The following HEG1 variants were observed in gnomAD, a reference collection of about 807,000 sequenced individuals.
The protein encoded by HEG1 is heart development protein with EGF like domains 1, also known as protein HEG homolog 1.
In HEG1, 56 loss-of-function variants were observed where a neutral mutation model predicts 125.6. The observed-to-expected ratio is 0.45, with a 90% confidence interval of 0.36 to 0.56. The LOEUF (loss-of-function observed/expected upper bound fraction) is 0.56, where lower values mean the gene tolerates loss of function less well. Ranked by LOEUF, HEG1 falls within the 20% of genes least tolerant of loss-of-function variation. The pLI, the probability that HEG1 is intolerant of heterozygous loss-of-function variation, is 0.00. For synonymous variants in HEG1, 644 were observed against 668.5 expected (o/e 0.96, Z 0.57); for missense variants, 1,523 against 1,670.0 (o/e 0.91, Z 1.53).
intron 16 of HEG1, among the ~76,000 whole-genome samples, chr3:124,972,987 G>T (rs1936471553): frequency 6.6e-6 from 1 of 150,710 alleles, no homozygotes; most frequent in Non-Finnish European, 1.5e-5. Context: ...CCCCTAGTTG[G>T]TTTTTTTGTT....
At position 124,969,524 on chromosome 3, in the gene HEG1, T is replaced by C. The variant is rs1014285504; in HGVS notation, c.*1128A>G. 6.6e-6 allele frequency: 1 copy of C among 152,240 alleles called. No individual in the cohort carries two copies. Among genetic ancestry groups the C allele is most frequent in the Non-Finnish European group, 1.5e-5 (1 of 68,058 alleles). 9.4% of individuals were successfully genotyped at this position (152,240 alleles called of 1,614,324 possible). A position where few individuals can be genotyped will look rare whatever the true frequency, so the allele number is the denominator to read the frequency against. ...TGGTTGAAAGTTTACATGGGGTTTG[T>C]GGACATGAGATTCTGGGTACAAAGT... On this transcript the variant is annotated 3_prime_UTR_variant, in exon 17 of 17. Transcript: ENST00000311127.
At chr3:124,999,593 T>C (rs1284102477) in intron 11 of HEG1, among the ~76,000 whole-genome samples, 1 of 152,258 alleles carries the variant, frequency 6.6e-6, no homozygotes. Flanking sequence ...CTGGAGCAAC[T>C]GTGCCCTGCA....
intron 1 of HEG1, among the ~76,000 whole-genome samples, chr3:125,047,588 C>A (rs1387825763): frequency 6.6e-6 from 1 of 152,182 alleles, no homozygotes; most frequent in African/African-American, 2.4e-5. Flanking sequence ...AAAAGATGAT[C>A]CCTGAAAAAG....
chr3:125,047,638 G>A (rs1049723781), intron 1 of HEG1, among the ~76,000 whole-genome samples: 4 of 152,314 alleles, frequency 2.6e-5, no homozygotes, highest in Admixed American at 2.6e-4. Context: ...AGTGGCCAGG[G>A]AGGTTGCAGG....
intron 8 of HEG1, among the ~76,000 whole-genome samples, chr3:125,008,777 A>G (rs1350470689): frequency 1.3e-5 from 2 of 151,920 alleles, no homozygotes; most frequent in East Asian, 3.9e-4. Context: ...AGCCTGGGCA[A>G]CAGAGTGAGA....
intron 3 of HEG1, among the ~76,000 whole-genome samples, chr3:125,026,825 C>A (rs1207261645): frequency 1.3e-5 from 2 of 152,062 alleles, no homozygotes. Flanking sequence ...CATGCTGAAA[C>A]CCCGTCTCTA....
At chr3:125,004,788 T>C (rs544179692) in intron 9 of HEG1, among the ~76,000 whole-genome samples, 7 of 152,300 alleles carry the variant, frequency 4.6e-5, no homozygotes, top group African/African-American at 1.7e-4. Flanking sequence ...CTCGGTCATC[T>C]ATACAGTGAG....
chr3:125,034,987 T>G (rs549586112), intron 1 of HEG1, among the ~76,000 whole-genome samples: 247 of 152,296 alleles, frequency 1.6e-3, no homozygotes, highest in African/African-American at 5.8e-3. Context: ...TTTATTTTTT[T>G]ATTTGAGACA....
Position 125,013,985 on chromosome 3 carries a change from C to G in HEG1, c.1594G>C (p.Gly532Arg), listed in dbSNP as rs796115719. ...CCACGCACTTGACCGTAGCTAATCC[C>G]AGCGACTGTAAACGGAAAAGCCAAA... is the stretch of plus-strand genomic sequence containing the variant. ...SAPRGERSIAGISYGQVRGTA... is the reference protein window; with the variant it reads ...SAPRGERSIARISYGQVRGTA... Residue 532 changes from glycine (G) to arginine (R), a missense_variant, in exon 6 of 17, where the codon GGG (glycine) becomes CGG (arginine). Transcript: ENST00000311127. 6.3e-7 allele frequency: 1 copy of G among 1,596,056 alleles called. No individual in the cohort carries two copies.
intron 8 of HEG1, among the ~76,000 whole-genome samples, chr3:125,009,289 T>G (rs1182100483): frequency 6.6e-6 from 1 of 151,986 alleles, no homozygotes; most frequent in Non-Finnish European, 1.5e-5. Flanking sequence ...CTAAATTGTT[T>G]TTTTTTTTTT....
Position 125,013,643 on chromosome 3 carries a change from A to G in HEG1, c.1936T>C (p.Ser646Pro). 6.2e-7 allele frequency: 1 copy of G among 1,611,924 alleles called. No individual in the cohort carries two copies. The highest frequency in any genetic ancestry group is 1.1e-5 in the South Asian group (1 of 90,714). The change falls in exon 6 of 17, where the codon TCG (serine) becomes CCG (proline). Residue 646 changes from serine (S) to proline (P), a missense_variant. Coordinates refer to ENST00000311127, the MANE Select transcript of HEG1 (RefSeq NM_020733.2). ...TCAGCATCAGTGTCCAGAACAACCGAAGTGTTCGGCATATTAATGGTGGGT... is the reference window on the plus strand; with the variant it reads ...TCAGCATCAGTGTCCAGAACAACCGGAGTGTTCGGCATATTAATGGTGGGT... ...YTPTINMPNT[S>P]VVLDTDAEFV...
Position 125,051,641 on chromosome 3 carries a change from C to T in HEG1, c.316+3934G>A, listed in dbSNP as rs79230612. Among the ~76,000 whole-genome samples, 26 of 152,306 alleles carry T rather than the reference C, an allele frequency of 1.7e-4. No individual in the cohort carries two copies. The East Asian group carries it at 4.4e-3, about 26-fold the overall frequency. Reference sequence around the variant, plus strand: ...AAAGGCCAGGGAGTCAAAAGTCAGACCCCAAAACTAGTTTCCTTCCTTGTT... The same window carrying T: ...AAAGGCCAGGGAGTCAAAAGTCAGATCCCAAAACTAGTTTCCTTCCTTGTT... On this transcript the variant is annotated intron_variant, in intron 1 of 16. Coordinates refer to ENST00000311127, the MANE Select transcript of HEG1 (RefSeq NM_020733.2).
At chr3:125,018,942 C>T (rs1937293045) in intron 5 of HEG1, among the ~76,000 whole-genome samples, 1 of 145,452 alleles carries the variant, frequency 6.9e-6, no homozygotes, top group East Asian at 2.1e-4. Context: ...TCTCAGCTAA[C>T]TGCAACCTCC....
intron 1 of HEG1, among the ~76,000 whole-genome samples, chr3:125,045,391 T>G (rs974866303): frequency 3.9e-5 from 6 of 152,232 alleles, no homozygotes; most frequent in African/African-American, 1.2e-4. Flanking sequence ...CTATTTTATC[T>G]TGTTACACAA....
intron 5 of HEG1, among the ~76,000 whole-genome samples, 174 bp downstream of exon 5, chr3:125,019,088 G>A (rs1333421879): frequency 6.6e-6 from 1 of 152,002 alleles, no homozygotes; most frequent in African/African-American, 2.4e-5. Context: ...GTCAGGTCTT[G>A]AACCCCTCAC....
Position 125,009,810 on chromosome 3 carries a change from G to T in HEG1, c.3088C>A (p.Leu1030Met), listed in dbSNP as rs371069352. 1.5e-5 allele frequency: 24 copies of T among 1,613,246 alleles called. No individual in the cohort carries two copies. The African/African-American group carries it at 3.2e-4, about 22-fold the overall frequency. The change falls in exon 8 of 17, where the codon CTG becomes ATG. Residue 1030 changes from leucine to methionine, a missense_variant. Physicochemically the swap from Leu to Met is conservative, Grantham distance 15 (BLOSUM62 2). Transcript: ENST00000311127. ...DDCSVDVNEC[L>M]SNPCPSTAMC... ...GCTGTGGATGGGCAGGGGTTCGACA[G>T]GCACTCATTCACATCTGTAGAGGAG...
chr3:125,033,252 T>A (rs978077799), intron 1 of HEG1, among the ~76,000 whole-genome samples: 1 of 152,128 alleles, frequency 6.6e-6, no homozygotes, highest in African/African-American at 2.4e-5. Flanking sequence ...TCCAGAGAAG[T>A]GAGCTAATGT....
At chr3:124,974,553 T>A (rs1170232153) in intron 15 of HEG1, among the ~76,000 whole-genome samples, 1 of 152,338 alleles carries the variant, frequency 6.6e-6, no homozygotes, top group Admixed American at 6.5e-5. Context: ...GGTTTGTTTA[T>A]GAAAAAGCCC....
At chr3:125,014,119 A>G (rs1937206568) in intron 5 of HEG1, 129 bp from the exon 6 acceptor site, 5 of 901,516 alleles carry the variant, frequency 5.5e-6, no homozygotes, top group Non-Finnish European at 8.2e-6. Flanking sequence ...TGCTTTGGAG[A>G]GGTGGTTTTC....
Sources: gnomAD v4.1 joint callset for allele counts (sites outside exome capture counted in the v4.1 genomes callset) on GRCh38, gnomAD v4.1.1 for gene constraint, MANE v1.5 for transcripts, NCBI Gene and HGNC (gene_info 2026-07-23, HGNC 2026-07-21) for gene names.